The following RBFOX1 variants were observed in gnomAD, a reference collection of about 807,000 sequenced individuals.
RBFOX1 encodes the protein RNA binding protein fox-1 homolog 1.
Under a neutral mutation model 57.7 loss-of-function variants are expected in RBFOX1, and 8 were observed. The ratio of observed to expected loss-of-function variants is 0.14; its 90% CI spans 0.08 to 0.25. The LOEUF (loss-of-function observed/expected upper bound fraction) is 0.25. Ranked by LOEUF, RBFOX1 falls within the 10% of genes least tolerant of loss-of-function variation. The probability of loss-of-function intolerance (pLI) is 1.00; values close to 1 mark genes in which losing one functional copy is unlikely to be tolerated. For synonymous variants in RBFOX1, 326 were observed against 222.4 expected (o/e 1.47, Z -4.15); for missense variants, 611 against 548.5 (o/e 1.11, Z -1.14).
At chr16:6,862,996 A>G (rs965750389) in intron 3 of RBFOX1, among the ~76,000 whole-genome samples, 5 of 149,744 alleles carry the variant, frequency 3.3e-5, no homozygotes, top group African/African-American at 1.3e-4. Context: ...AAAAAAAAAA[A>G]GGAAGACAGG....
chr16:5,814,474 T>G (rs1300492457), intron 3 of RBFOX1, among the ~76,000 whole-genome samples: 2 of 152,206 alleles, frequency 1.3e-5, no homozygotes, highest in African/African-American at 4.8e-5. Flanking sequence ...GAGCACTTCT[T>G]GGTTAGTTGA....
chr16:7,610,381 A>AT lies in RBFOX1; in HGVS notation c.676+3054dup, dbSNP rs770681937. On this transcript the variant is annotated intron_variant, in intron 10 of 15. Transcript: ENST00000550418. ...AGTGATGCGCCCAGCCTGTTTATTTATTTTTTTTTTTAATATTAAAGGTCA... is the reference window on the plus strand; with the variant it reads ...AGTGATGCGCCCAGCCTGTTTATTTATTTTTTTTTTTTAATATTAAAGGTCA... 2.0e-3 allele frequency among the ~76,000 whole-genome samples: 292 copies of AT among 143,352 alleles called. 2 individuals are homozygous for AT. The highest frequency in any genetic ancestry group is 3.1e-3 in the Admixed American group (44 of 14,332). The allele number at this position is 143,352 out of a possible 152,430, so 94.0% of individuals were successfully genotyped here. A position where few individuals can be genotyped will look rare whatever the true frequency, so the allele number is the denominator to read the frequency against.
chr16:5,390,773 T>C (rs1279904343), intron 1 of RBFOX1, among the ~76,000 whole-genome samples: 2 of 152,160 alleles, frequency 1.3e-5, no homozygotes, highest in East Asian at 3.9e-4. Flanking sequence ...TGTTCCAGAA[T>C]GGGCCTGTGG....
At chr16:5,357,377 G>A (rs562178597) in intron 1 of RBFOX1, among the ~76,000 whole-genome samples, 1 of 152,322 alleles carries the variant, frequency 6.6e-6, no homozygotes, top group South Asian at 2.1e-4. Flanking sequence ...GCTCTGGGGT[G>A]TAAATGCAGG....
chr16:7,525,021 T>TAA (rs2078374155), intron 5 of RBFOX1, among the ~76,000 whole-genome samples: 1 of 152,202 alleles, frequency 6.6e-6, no homozygotes, highest in African/African-American at 2.4e-5. Context: ...CCCAAATTCT[T>TAA]AGTCTCTGTG....
At chr16:5,333,694 G>A (rs1164826555) in intron 1 of RBFOX1, among the ~76,000 whole-genome samples, 4 of 152,182 alleles carry the variant, frequency 2.6e-5, no homozygotes, top group Non-Finnish European at 4.4e-5. Context: ...ATCACAGGGT[G>A]CACTTATACA....
At chr16:7,525,471 G>A (rs1295351625) in intron 5 of RBFOX1, among the ~76,000 whole-genome samples, 1 of 152,108 alleles carries the variant, frequency 6.6e-6, no homozygotes, top group African/African-American at 2.4e-5. Flanking sequence ...AAGGTACATG[G>A]ACTTAAGATG....
In RBFOX1 at chr16:5,264,818, G is replaced by C. The variant is rs375095946; in HGVS notation, c.219+24713G>C. Among the ~76,000 whole-genome samples, 6 of 152,082 alleles carry C rather than the reference G, an allele frequency of 3.9e-5. No homozygotes were observed. In the East Asian group the frequency reaches 5.8e-4, roughly 15 times the overall value. ...CTGTTCCCTGCTTGGTGATACTCCA[G>C]GTAATGCAACCCCCATTAGCCTTAG... On this transcript the variant is annotated intron_variant, in intron 1 of 2. Coordinates refer to the RBFOX1 transcript ENST00000585867.
chr16:6,788,633 G>T (rs2082373856), intron 3 of RBFOX1, among the ~76,000 whole-genome samples: 1 of 151,714 alleles, frequency 6.6e-6, no homozygotes, highest in African/African-American at 2.4e-5. Flanking sequence ...CTACGACCAT[G>T]CCCAGCTGAT....
intron 1 of RBFOX1, among the ~76,000 whole-genome samples, chr16:5,326,506 G>A (rs17183430): frequency 6.6e-6 from 1 of 152,192 alleles, no homozygotes; most frequent in Non-Finnish European, 1.5e-5. Context: ...TGGCATTTCA[G>A]ATAGGCTGTG....
At chr16:5,459,332 G>A (rs2068721466) in intron 1 of RBFOX1, among the ~76,000 whole-genome samples, 1 of 152,162 alleles carries the variant, frequency 6.6e-6, no homozygotes, top group Non-Finnish European at 1.5e-5. Flanking sequence ...TGGGTCTTCA[G>A]GCTTGACTGC....
chr16:6,888,400 G>C (rs1774432676), intron 3 of RBFOX1, among the ~76,000 whole-genome samples: 2 of 152,136 alleles, frequency 1.3e-5, no homozygotes, highest in South Asian at 4.1e-4. Context: ...AGGAGAAAGA[G>C]CTTACTGATG....
chr16:5,458,067 T>G (rs1036240643), intron 1 of RBFOX1, among the ~76,000 whole-genome samples: 1 of 152,214 alleles, frequency 6.6e-6, no homozygotes, highest in Non-Finnish European at 1.5e-5. Flanking sequence ...AAGAACAGAA[T>G]AGGAGATCAT....
chr16:5,755,476 G>C (rs1243016092), intron 3 of RBFOX1, among the ~76,000 whole-genome samples: 1 of 152,194 alleles, frequency 6.6e-6, no homozygotes, highest in Non-Finnish European at 1.5e-5. Flanking sequence ...TGGCTGTTGA[G>C]TGTTAGGTAG....
chr16:7,391,071 C>T (rs578091726), intron 4 of RBFOX1, among the ~76,000 whole-genome samples: 1 of 152,196 alleles, frequency 6.6e-6, no homozygotes, highest in Middle Eastern at 3.4e-3. Context: ...TGCTCCTAGT[C>T]CTTAAGAACA....
intron 4 of RBFOX1, among the ~76,000 whole-genome samples, chr16:7,501,658 C>T (rs1037919152): frequency 6.6e-6 from 1 of 152,216 alleles, no homozygotes; most frequent in Non-Finnish European, 1.5e-5. Flanking sequence ...TCTGTCCTAA[C>T]ATTTAGCATT....
intron 3 of RBFOX1, among the ~76,000 whole-genome samples, chr16:6,915,550 CT>C (rs141753685): frequency 0.081 from 10,001 of 123,048 alleles, 211 homozygotes; most frequent in Non-Finnish European, 0.092. Context: ...CCACACCCCC[CT>C]TTTTTTTTTT....
chr16:6,799,976 C>T (rs1256641266), intron 3 of RBFOX1, among the ~76,000 whole-genome samples: 5 of 152,144 alleles, frequency 3.3e-5, no homozygotes, highest in Admixed American at 6.5e-5. Context: ...TAATAAACTT[C>T]CTTTCATATA....
At chr16:5,658,956 T>C (rs1197370991) in intron 3 of RBFOX1, among the ~76,000 whole-genome samples, 1 of 151,762 alleles carries the variant, frequency 6.6e-6, no homozygotes, top group Non-Finnish European at 1.5e-5. Context: ...GTATTTGCAA[T>C]TGCAAATTGC....
Sources: allele counts gnomAD v4.1 joint callset (sites outside exome capture counted in the v4.1 genomes callset), GRCh38; gene constraint gnomAD v4.1.1; transcripts MANE v1.5; gene names NCBI Gene and HGNC (gene_info 2026-07-23, HGNC 2026-07-21).